NELL2: variants seen among roughly 807,000 people sequenced by gnomAD.
NELL2 encodes the protein protein kinase C-binding protein NELL2.
A neutral mutation model predicts 109.6 loss-of-function variants in NELL2; 41 were observed. That is an observed-to-expected ratio of 0.37 (90% CI 0.29 to 0.49). NELL2 has a LOEUF of 0.49. Ranked by LOEUF, NELL2 falls within the 20% of genes least tolerant of loss-of-function variation. The probability of loss-of-function intolerance (pLI) is 0.98; values close to 1 mark genes in which losing one functional copy is unlikely to be tolerated. For missense variants in NELL2, 900 were observed against 1,008.3 expected, an observed-to-expected ratio of 0.89 and a Z score of 1.45; for synonymous variants, 355 against 344.7, an observed-to-expected ratio of 1.03 and a Z score of -0.33.
Position 44,816,177 on chromosome 12 carries a change from G to T in NELL2, c.185-41C>A, listed in dbSNP as rs1341474536. The T allele has an allele frequency of 4.0e-6, 6 of 1,498,616 alleles. No homozygotes were observed. The Admixed American group carries it at 1.4e-4, about 34-fold the overall frequency. The allele number at this position is 1,498,616 out of a possible 1,614,324, so 92.8% of individuals were successfully genotyped here. A position where few individuals can be genotyped will look rare whatever the true frequency, so the allele number is the denominator to read the frequency against. On this transcript the variant is annotated intron_variant, in intron 2 of 19. Transcript: ENST00000429094. Reference sequence around the variant, plus strand: ...ACATATACTAAGAATAGTAGAATTTGATTTTATGAAGTATCTTTTACATGT... The same window carrying T: ...ACATATACTAAGAATAGTAGAATTTTATTTTATGAAGTATCTTTTACATGT...
At chr12:44,749,383 T>C (rs1341928878) in intron 9 of NELL2, among the ~76,000 whole-genome samples, 2 of 152,180 alleles carry the variant, frequency 1.3e-5, no homozygotes, top group Non-Finnish European at 2.9e-5. Context: ...CACTACCTTA[T>C]TATTTTTCCT....
intron 9 of NELL2, among the ~76,000 whole-genome samples, chr12:44,767,156 T>A (rs1280757094): frequency 6.6e-6 from 1 of 152,212 alleles, no homozygotes; most frequent in Non-Finnish European, 1.5e-5. Context: ...GTGGAATTTA[T>A]TGAAGATGCA....
intron 9 of NELL2, among the ~76,000 whole-genome samples, chr12:44,718,089 T>A (rs115109065): frequency 0.023 from 3,433 of 152,278 alleles, 115 homozygotes; most frequent in African/African-American, 0.074. Context: ...AAACTGATAT[T>A]TTTAAAATGT....
intron 12 of NELL2, among the ~76,000 whole-genome samples, chr12:44,684,093 A>T (rs968126657): frequency 6.6e-6 from 1 of 152,214 alleles, no homozygotes; most frequent in African/African-American, 2.4e-5. Context: ...CCACAATTTC[A>T]GAGCCTGTTA....
intron 13 of NELL2, among the ~76,000 whole-genome samples, chr12:44,650,024 G>A (rs1947245961): frequency 6.6e-6 from 1 of 152,184 alleles, no homozygotes; most frequent in Admixed American, 6.5e-5. Context: ...TATCAGGCAA[G>A]CTAAAACCTA....
chr12:44,824,685 A>G lies in NELL2; in HGVS notation c.185-8549T>C, dbSNP rs375447874. On this transcript the variant is annotated intron_variant, in intron 2 of 19. Transcript: ENST00000429094. ...TATTTATTTATTTATTTATTTATTT[A>G]TTTATTTATTTATTTTTATTTTATT... 2.4e-4 allele frequency among the ~76,000 whole-genome samples: 3 copies of G among 12,536 alleles called. No individual in the cohort carries two copies. In the South Asian group the frequency reaches 9.8e-3, roughly 41 times the overall value. 8.2% of individuals were successfully genotyped at this position (12,536 alleles called of 152,430 possible). A position where few individuals can be genotyped will look rare whatever the true frequency, so the allele number is the denominator to read the frequency against.
intron 9 of NELL2, among the ~76,000 whole-genome samples, chr12:44,722,591 G>A (rs150320265): frequency 1.3e-5 from 2 of 152,148 alleles, no homozygotes; most frequent in African/African-American, 4.8e-5. Context: ...ACTCAGAGAA[G>A]AACACAGTCT....
intron 9 of NELL2, among the ~76,000 whole-genome samples, chr12:44,741,580 C>G (rs1011954309): frequency 3.3e-5 from 5 of 152,184 alleles, no homozygotes; most frequent in African/African-American, 1.2e-4. Flanking sequence ...CAGACGGCAC[C>G]TGGAAAATTG....
chr12:44,733,591 T>C (rs533166829), intron 9 of NELL2, among the ~76,000 whole-genome samples: 1 of 151,968 alleles, frequency 6.6e-6, no homozygotes, highest in Non-Finnish European at 1.5e-5. Context: ...TCAATGGTTA[T>C]AGAGTTTCAG....
chr12:44,853,391 G>T (rs1944587115), intron 2 of NELL2, among the ~76,000 whole-genome samples: 1 of 152,122 alleles, frequency 6.6e-6, no homozygotes, highest in Non-Finnish European at 1.5e-5. Context: ...AGTGTATTAA[G>T]ATCCCAGGCA....
intron 9 of NELL2, among the ~76,000 whole-genome samples, chr12:44,767,083 T>C (rs977285045): frequency 6.6e-6 from 1 of 152,128 alleles, no homozygotes; most frequent in South Asian, 2.1e-4. Flanking sequence ...CCGTGTTACG[T>C]CTACCGGAAA....
intron 9 of NELL2, among the ~76,000 whole-genome samples, chr12:44,721,679 A>T (rs1318276485): frequency 6.6e-6 from 1 of 152,106 alleles, no homozygotes; most frequent in Admixed American, 6.5e-5. Flanking sequence ...ATAGTGACGA[A>T]GATATTGAAC....
chr12:44,698,593 G>C (rs1949130422), intron 12 of NELL2, among the ~76,000 whole-genome samples: 1 of 152,184 alleles, frequency 6.6e-6, no homozygotes, highest in South Asian at 2.1e-4. Context: ...GAATCAGAAT[G>C]AAAGAGATTG....
chr12:44,789,063 T>C (rs1390935372), intron 3 of NELL2, among the ~76,000 whole-genome samples: 1 of 151,892 alleles, frequency 6.6e-6, no homozygotes, highest in Admixed American at 6.6e-5. Context: ...CCTTCCCTAC[T>C]CACCCTGGTA....
rs140082391 is a variant in NELL2, at chr12:44,648,577, C to G, written c.1444+16907G>C. The stretch of plus-strand genomic sequence containing the variant: ...AACTACACTGCATGTGAAGACAAAG[C>G]TGGTGACAAAATTGAGGTCATAATG... On this transcript the variant is annotated intron_variant, in intron 13 of 19. Coordinates refer to ENST00000429094, the MANE Select transcript of NELL2 (RefSeq NM_001145108.2). 5.6e-3 allele frequency among the ~76,000 whole-genome samples: 854 copies of G among 151,736 alleles called. 6 individuals carry two copies. Among genetic ancestry groups the G allele is most frequent in the Non-Finnish European group, 8.3e-3 (561 of 67,962 alleles).
At chr12:44,798,650 A>G (rs1942714754) in intron 3 of NELL2, among the ~76,000 whole-genome samples, 1 of 152,170 alleles carries the variant, frequency 6.6e-6, no homozygotes, top group South Asian at 2.1e-4. Context: ...TGTGAAAAAT[A>G]CAAGTACATA....
At chr12:44,527,602 T>C (rs1476928881) in intron 16 of NELL2, among the ~76,000 whole-genome samples, 5 of 152,192 alleles carry the variant, frequency 3.3e-5, no homozygotes, top group African/African-American at 1.2e-4. Context: ...AAAGCTACCA[T>C]TGTGGCTTTG....
intron 15 of NELL2, among the ~76,000 whole-genome samples, chr12:44,536,329 C>T (rs1445958403): frequency 1.3e-5 from 2 of 151,944 alleles, no homozygotes; most frequent in Admixed American, 1.3e-4. Context: ...ACATGAATTA[C>T]AACATAAATG....
chr12:44,670,744 G>A (rs1334652637), intron 12 of NELL2, among the ~76,000 whole-genome samples: 1 of 151,862 alleles, frequency 6.6e-6, no homozygotes, highest in Non-Finnish European at 1.5e-5. Flanking sequence ...AATTCAGTAG[G>A]AAGATACAAC....
Sources: allele counts gnomAD v4.1 joint callset (sites outside exome capture counted in the v4.1 genomes callset), GRCh38; gene constraint gnomAD v4.1.1; transcripts MANE v1.5; gene names NCBI Gene and HGNC (gene_info 2026-07-23, HGNC 2026-07-21).